TFPI: variants seen among roughly 807,000 people sequenced by gnomAD.
The protein encoded by TFPI is tissue factor pathway inhibitor, also known as anti-convertin.
In TFPI, 15 loss-of-function variants were observed where a neutral mutation model predicts 34.6. That is an observed-to-expected ratio of 0.43 (90% CI 0.29 to 0.67). TFPI has a LOEUF of 0.67. Among genes scored for constraint, TFPI ranks in the 30% least tolerant of loss-of-function variants. The probability of loss-of-function intolerance (pLI) is 0.15; values close to 1 mark genes in which losing one functional copy is unlikely to be tolerated. For missense variants in TFPI, 301 were observed against 364.0 expected (o/e 0.83, Z 1.41); for synonymous variants, 105 against 120.1 (o/e 0.87, Z 0.82).
intron 1 of TFPI, among the ~76,000 whole-genome samples, chr2:187,548,273 C>T (rs1688967965): frequency 6.6e-6 from 1 of 151,910 alleles, no homozygotes; most frequent in Admixed American, 6.6e-5. Context: ...TCTTAATTCC[C>T]CACTCCCCAA....
chr2:187,547,950 T>C (rs1260894061), intron 1 of TFPI, among the ~76,000 whole-genome samples: 1 of 152,102 alleles, frequency 6.6e-6, no homozygotes, highest in African/African-American at 2.4e-5. Context: ...GATTTGATAT[T>C]TTTGGAAGTT....
chr2:187,487,363 C>T (rs1353143475), intron 4 of TFPI, among the ~76,000 whole-genome samples: 1 of 151,314 alleles, frequency 6.6e-6, no homozygotes, highest in East Asian at 1.9e-4. Flanking sequence ...CTTGTACAAA[C>T]TTTGCTATTA....
intron 1 of TFPI, among the ~76,000 whole-genome samples, chr2:187,511,233 A>G (rs535049613): frequency 2.0e-5 from 3 of 152,130 alleles, no homozygotes; most frequent in Non-Finnish European, 4.4e-5. Context: ...TGGTCTTTGG[A>G]ACTTGACCAC....
chr2:187,537,781 T>A (rs894909043), intron 1 of TFPI, among the ~76,000 whole-genome samples: 3 of 152,148 alleles, frequency 2.0e-5, no homozygotes, highest in Non-Finnish European at 2.9e-5. Flanking sequence ...CAAAAGAAAC[T>A]ATCTTCAGAG....
intron 1 of TFPI, among the ~76,000 whole-genome samples, chr2:187,539,899 C>CT (rs527567767): frequency 0.015 from 2,083 of 137,890 alleles, 29 homozygotes; most frequent in South Asian, 0.021. Context: ...ACGTCATCTT[C>CT]TTTTTTTTTT....
chr2:187,539,071 C>T (rs56170850), intron 1 of TFPI, among the ~76,000 whole-genome samples: 24,109 of 132,514 alleles, frequency 0.18, 2,368 homozygotes, highest in East Asian at 0.35. Context: ...TTATTTGTAC[C>T]TTTGCCTAAA....
At chr2:187,473,724 G>A (rs1175589691) in intron 6 of TFPI, among the ~76,000 whole-genome samples, 1 of 150,922 alleles carries the variant, frequency 6.6e-6, no homozygotes, top group African/African-American at 2.4e-5. Context: ...AGGAGAAGTG[G>A]TATTAAATTG....
At chr2:187,494,487 T>C (rs904930589) in intron 3 of TFPI, among the ~76,000 whole-genome samples, 1 of 152,152 alleles carries the variant, frequency 6.6e-6, no homozygotes, top group African/African-American at 2.4e-5. Context: ...GAGGTCACAA[T>C]CCTGCACTGC....
chr2:187,520,774 A>G (rs10804014), intron 1 of TFPI, among the ~76,000 whole-genome samples: 31,525 of 152,006 alleles, frequency 0.21, 3,676 homozygotes, highest in East Asian at 0.31. Flanking sequence ...CTTTATTTAT[A>G]TAAGTATGGA....
rs758797283 is a variant in TFPI at position 187,503,674 on chromosome 2, T to C, written c.95A>G (p.Glu32Gly). ...APAPLNADSEEDEEHTIITDT... is the reference protein window; with the variant it reads ...APAPLNADSEGDEEHTIITDT... ...TGTGATAATTGTGTGTTCTTCATCTTCCTCAGAATCAGCATTAAGAGGGGC... is the reference window on the plus strand; with the variant it reads ...TGTGATAATTGTGTGTTCTTCATCTCCCTCAGAATCAGCATTAAGAGGGGC... Residue 32 changes from glutamate to glycine, a missense_variant, in exon 2 of 8, where the codon GAA becomes GGA. Transcript: ENST00000233156. 1 of 1,613,038 alleles carries C rather than the reference T, an allele frequency of 6.2e-7. No individual in the cohort carries two copies. The highest frequency in any genetic ancestry group is 8.5e-7 in the Non-Finnish European group (1 of 1,179,276).
chr2:187,533,709 G>A (rs557865007), intron 1 of TFPI, among the ~76,000 whole-genome samples: 54 of 152,328 alleles, frequency 3.5e-4, no homozygotes, highest in African/African-American at 1.3e-3. Context: ...ACTTGATGAA[G>A]AATGAGTTTG....
At chr2:187,468,258 G>GACACACACACACACACACACAC (rs61019402) in intron 6 of TFPI, among the ~76,000 whole-genome samples, 1 of 147,030 alleles carries the variant, frequency 6.8e-6, no homozygotes, top group African/African-American at 2.5e-5. Flanking sequence ...ATTTCTTACA[G>GACACACACACACACACACACAC]ACACACACAC....
intron 6 of TFPI, among the ~76,000 whole-genome samples, chr2:187,480,018 T>C (rs1306897276): frequency 2.0e-5 from 3 of 152,070 alleles, no homozygotes; most frequent in Non-Finnish European, 4.4e-5. Flanking sequence ...TCTTTTGACC[T>C]TGAAGCCCCA....
At chr2:187,538,382 A>G (rs1688383279) in intron 1 of TFPI, among the ~76,000 whole-genome samples, 1 of 152,250 alleles carries the variant, frequency 6.6e-6, no homozygotes, top group Non-Finnish European at 1.5e-5. Flanking sequence ...TGGCACATAT[A>G]CACCATGGAA....
In TFPI at chr2:187,466,428, A is replaced by G. The variant is rs558215819; in HGVS notation, c.*508T>C. 6.5e-6 allele frequency: 1 copy of G among 152,914 alleles called. No homozygotes were observed. The highest frequency in any genetic ancestry group is 1.5e-5 in the Non-Finnish European group (1 of 68,538). 9.5% of individuals were successfully genotyped at this position (152,914 alleles called of 1,614,324 possible). On this transcript the variant is annotated 3_prime_UTR_variant, in exon 8 of 8. Coordinates refer to ENST00000233156, the MANE Select transcript of TFPI (RefSeq NM_006287.6). The stretch of plus-strand genomic sequence containing the variant: ...AAACTATGTCTAAGGAGGGAAGCAC[A>G]TAATAGAATTCTATTATTACAATAG...
intron 3 of TFPI, among the ~76,000 whole-genome samples, chr2:187,495,442 T>TCACAAAAA (rs1334862175): frequency 6.6e-6 from 1 of 152,036 alleles, no homozygotes; most frequent in Non-Finnish European, 1.5e-5. Context: ...GACCAAGCAA[T>TCACAAAAA]CACAAAAACC....
chr2:187,466,980 T>C lies in TFPI; in HGVS notation c.871A>G (p.Arg291Gly), dbSNP rs1201241161. 3 of 1,590,534 alleles carry C rather than the reference T, an allele frequency of 1.9e-6. No individual in the cohort carries two copies. The highest frequency in any genetic ancestry group is 2.6e-6 in the Non-Finnish European group (3 of 1,166,218). The change falls in exon 8 of 8, where the codon AGA becomes GGA. Residue 291 changes from arginine (R) to glycine (G), a missense_variant. Coordinates refer to ENST00000233156, the MANE Select transcript of TFPI (RefSeq NM_006287.6). The stretch of plus-strand genomic sequence containing the variant: ...ATTTCTTCATATGCTATTTTCACTC[T>C]CTGCTTCTTTCTTTTTCTTTTGGTT... ...IKTKRKRKKQ[R>G]VKIAYEEIFV...
intron 1 of TFPI, chr2:187,544,661 C>T (rs1017875112): frequency 2.7e-5 from 4 of 146,884 alleles, no homozygotes; most frequent in Non-Finnish European, 4.5e-5. Flanking sequence ...AAAAAAGACT[C>T]GCTAAAGGGA....
chr2:187,489,373 T>A (rs532820046), intron 3 of TFPI, among the ~76,000 whole-genome samples: 1 of 138,362 alleles, frequency 7.2e-6, no homozygotes, highest in South Asian at 2.2e-4. Flanking sequence ...AATAGCCTTT[T>A]AAAAAAAGAG....
Sources: allele counts gnomAD v4.1 joint callset (sites outside exome capture counted in the v4.1 genomes callset), GRCh38; gene constraint gnomAD v4.1.1; transcripts MANE v1.5; gene names NCBI Gene and HGNC (gene_info 2026-07-23, HGNC 2026-07-21).